The following DENND4C variants were observed in gnomAD, a reference collection of about 807,000 sequenced individuals.
The protein encoded by DENND4C is DENN domain-containing protein 4C.
A neutral mutation model predicts 203.0 loss-of-function variants in DENND4C; 108 were observed. The ratio of observed to expected loss-of-function variants is 0.53; its 90% CI spans 0.46 to 0.62. DENND4C has a LOEUF of 0.62. Ranked by LOEUF, DENND4C falls within the 20% of genes least tolerant of loss-of-function variation. The probability of loss-of-function intolerance (pLI) is 0.00; values close to 1 mark genes in which losing one functional copy is unlikely to be tolerated. For missense variants in DENND4C, 2,481 were observed against 2,301.2 expected (o/e 1.08, Z -1.60); for synonymous variants, 871 against 792.4 (o/e 1.10, Z -1.67).
chr9:19,281,740 A>G (rs1376286906), intron 2 of DENND4C, among the ~76,000 whole-genome samples: 1 of 152,256 alleles, frequency 6.6e-6, no homozygotes, highest in Non-Finnish European at 1.5e-5. Flanking sequence ...TGTGAACATC[A>G]TAGAGTGTAC....
chr9:19,289,378 C>T (rs533812852), intron 4 of DENND4C, among the ~76,000 whole-genome samples: 1 of 152,222 alleles, frequency 6.6e-6, no homozygotes, highest in East Asian at 1.9e-4. Flanking sequence ...ATGCACAGTT[C>T]TTGAAATAAA....
rs572341180 is a variant in DENND4C at position 19,319,209 on chromosome 9, A to ACG, written c.1807+2370_1807+2371insCG. 5.6e-3 allele frequency among the ~76,000 whole-genome samples: 830 copies of ACG among 147,296 alleles called. 11 individuals are homozygous for ACG. The highest frequency in any genetic ancestry group is 0.019 in the African/African-American group (771 of 40,392). On this transcript the variant is annotated intron_variant, in intron 12 of 32. Transcript: ENST00000434457. ...TATATATACACGTATATACACATAT[A>ACG]TGTATATATATATATACACATTTAT...
At chr9:19,242,402 C>T (rs1321458734) in intron 1 of DENND4C, among the ~76,000 whole-genome samples, 3 of 152,138 alleles carry the variant, frequency 2.0e-5, no homozygotes, top group African/African-American at 7.2e-5. Flanking sequence ...TTTTGTGTAA[C>T]TATAAGTTTT....
Position 19,296,247 on chromosome 9 carries a change from G to GT in DENND4C, c.1040+2dup. On this transcript the variant is annotated splice_donor_variant, in intron 6 of 32. Transcript: ENST00000434457. LOFTEE classifies it high-confidence loss of function. ...GACCACATCCTCTTCCCATTGAAAA[G>GT]TATGTATAATGATTAGAAAGATGGC... 1 of 1,574,944 alleles carries GT rather than the reference G, an allele frequency of 6.3e-7. No individual in the cohort carries two copies. The highest frequency in any genetic ancestry group is 8.7e-7 in the Non-Finnish European group (1 of 1,147,616).
At chr9:19,298,562 A>G (rs1212198648) in intron 7 of DENND4C, among the ~76,000 whole-genome samples, 1 of 152,148 alleles carries the variant, frequency 6.6e-6, no homozygotes, top group Non-Finnish European at 1.5e-5. Flanking sequence ...AGGTAGGTGT[A>G]CAGCTTGTGA....
At chr9:19,306,745 G>GTATTTATT (rs59616787) in intron 10 of DENND4C, among the ~76,000 whole-genome samples, 2,466 of 142,300 alleles carry the variant, frequency 0.017, 47 homozygotes, top group Admixed American at 0.019. Flanking sequence ...TTGCACAATT[G>GTATTTATT]TATTTATTTA....
intron 19 of DENND4C, 54 bp from the exon 20 acceptor site, chr9:19,336,630 AGT>A: frequency 1.3e-6 from 2 of 1,499,602 alleles, no homozygotes; most frequent in Non-Finnish European, 1.8e-6. Context: ...AATCATGTTT[AGT>A]TTAAGAGATT....
chr9:19,309,029 G>T (rs1219775004), intron 10 of DENND4C, among the ~76,000 whole-genome samples: 1 of 152,206 alleles, frequency 6.6e-6, no homozygotes, highest in Admixed American at 6.5e-5. Context: ...TCTAGAGGTA[G>T]AAAGTAGATT....
At chr9:19,244,831 G>A (rs1455289798) in intron 1 of DENND4C, among the ~76,000 whole-genome samples, 4 of 151,098 alleles carry the variant, frequency 2.6e-5, no homozygotes, top group African/African-American at 7.3e-5. Context: ...GTACAGTTTC[G>A]TTCTCCCCAT....
intron 2 of DENND4C, among the ~76,000 whole-genome samples, chr9:19,283,693 C>T (rs1834605476): frequency 1.4e-5 from 2 of 145,026 alleles, no homozygotes; most frequent in African/African-American, 2.5e-5. Flanking sequence ...CTCACTGCAA[C>T]TCCGCGCCCC....
At chr9:19,275,827 G>A (rs181635165) in intron 1 of DENND4C, among the ~76,000 whole-genome samples, 3 of 152,100 alleles carry the variant, frequency 2.0e-5, no homozygotes, top group African/African-American at 2.4e-5. Context: ...CACTGGTCGC[G>A]AACTTAAGAC....
chr9:19,286,269 A>G (rs1835195739), intron 2 of DENND4C, among the ~76,000 whole-genome samples: 3 of 152,168 alleles, frequency 2.0e-5, no homozygotes, highest in Admixed American at 1.3e-4. Context: ...GGGTATTGCC[A>G]TCATTGTCTT....
At chr9:19,329,886 A>G (rs997420477) in intron 16 of DENND4C, among the ~76,000 whole-genome samples, 1 of 152,386 alleles carries the variant, frequency 6.6e-6, no homozygotes, top group African/African-American at 2.4e-5. Context: ...ATTTAGGTAT[A>G]AAGAACTAAG....
Position 19,352,085 on chromosome 9 carries a change from T to C in DENND4C, c.4508T>C (p.Phe1503Ser). The change falls in exon 25 of 33, where the codon TTT (phenylalanine) becomes TCT (serine). Residue 1503 changes from phenylalanine (F) to serine (S), a missense_variant. Phe to Ser is a radical substitution (Grantham distance 155). Around this residue, in one of 3 missense-constraint regions of DENND4C, gnomAD observed 2,289 missense variants for 2,113.3 expected, o/e 1.08. Coordinates refer to ENST00000434457, the MANE Select transcript of DENND4C (RefSeq NM_001330640.2). ...KLHYPTGEVP[F>S]PRGMKGQDFE... ...TATTCCTTTGTAGGTGAAGTTCCAT[T>C]TCCAAGAGGCATGAAAGGGCAAGAC... 6.2e-7 allele frequency: 1 copy of C among 1,613,802 alleles called. No individual in the cohort carries two copies. Among genetic ancestry groups the C allele is most frequent in the Non-Finnish European group, 8.5e-7 (1 of 1,179,840 alleles).
At chr9:19,370,999 T>C (rs555391494) in intron 31 of DENND4C, among the ~76,000 whole-genome samples, 25 of 152,340 alleles carry the variant, frequency 1.6e-4, no homozygotes, top group Non-Finnish European at 1.5e-4. Context: ...GTCTGTAATA[T>C]GAGTAGCTTG....
At chr9:19,297,083 A>G (rs527755215) in intron 6 of DENND4C, among the ~76,000 whole-genome samples, 39 of 152,298 alleles carry the variant, frequency 2.6e-4, no homozygotes, top group Middle Eastern at 6.8e-3. Context: ...CTAGTGGCGC[A>G]TTGACTTCTG....
intron 10 of DENND4C, among the ~76,000 whole-genome samples, chr9:19,307,339 G>A (rs1290404416): frequency 7.0e-6 from 1 of 142,972 alleles, no homozygotes; most frequent in Non-Finnish European, 1.5e-5. Context: ...AGGCTGCAGT[G>A]ACCCATGTTG....
chr9:19,325,496 A>G (rs1047658599), intron 13 of DENND4C, among the ~76,000 whole-genome samples: 2 of 152,168 alleles, frequency 1.3e-5, no homozygotes, highest in East Asian at 3.8e-4. Flanking sequence ...TATGCCTTAG[A>G]AGATTTAAAT....
chr9:19,308,094 A>G (rs906924971), intron 10 of DENND4C, among the ~76,000 whole-genome samples: 10 of 152,114 alleles, frequency 6.6e-5, no homozygotes, highest in African/African-American at 1.7e-4. Flanking sequence ...ACAGTGATCA[A>G]TGTTGATGGA....
Sources: gnomAD v4.1 joint callset for allele counts (sites outside exome capture counted in the v4.1 genomes callset) on GRCh38, gnomAD v4.1.1 for gene constraint, gnomAD v4.1.1 regional missense constraint, MANE v1.5 for transcripts, NCBI Gene and HGNC (gene_info 2026-07-23, HGNC 2026-07-21) for gene names.